FAM110C: variants seen among roughly 807,000 people sequenced by gnomAD.
FAM110C encodes protein FAM110C.
Under a neutral mutation model 15.7 loss-of-function variants are expected in FAM110C, and 19 were observed. The observed-to-expected ratio is 1.21, with a 90% CI of 0.85 to 1.78. The LOEUF is 1.78. Ranked by LOEUF, FAM110C falls within the 40% of genes most tolerant of loss-of-function variation. The probability of loss-of-function intolerance (pLI) is 0.00; values close to 1 mark genes in which losing one functional copy is unlikely to be tolerated. For synonymous variants in FAM110C, 275 were observed against 233.9 expected (o/e 1.18, Z -1.61); for missense variants, 547 against 495.7 (o/e 1.10, Z -0.98).
At chr2:44,953 C>G (rs909543747) in intron 1 of FAM110C, 11 of 985,262 alleles carry the variant, frequency 1.1e-5, no homozygotes, top group Non-Finnish European at 1.2e-5. Flanking sequence ...CCTTTCTGTT[C>G]CAGTAACACA....
chr2:45,683 C>A lies in FAM110C; in HGVS notation c.703G>T (p.Glu235Ter). 6.2e-7 allele frequency: 1 copy of A among 1,606,304 alleles called. No homozygotes were observed. The highest frequency in any genetic ancestry group is 8.5e-7 in the Non-Finnish European group (1 of 1,176,980). Residue 235 changes from glutamate (E) to a stop codon, truncating the protein, a stop_gained, in exon 1 of 2, where the codon GAG becomes TAG. Coordinates refer to ENST00000327669, the MANE Select transcript of FAM110C (RefSeq NM_001077710.3). LOFTEE classifies it high-confidence loss of function. ...CAGTCCGACCCCGCGGTGAAGTTCT[C>A]CCTCCCCAGGGCCTCCACCACCTCG... is the stretch of plus-strand genomic sequence containing the variant. ...DPEVVEALGR[E>*]NFTAGSDCVT...
chr2:43,507 A>C, intron 1 of FAM110C: 8 of 985,388 alleles, frequency 8.1e-6, no homozygotes, highest in Non-Finnish European at 7.2e-6. Flanking sequence ...AAGTTCTCAC[A>C]AGCTAACTAA....
rs116239797 is a variant in FAM110C, at chr2:44,045, G to A, written c.946+1395C>T. The A allele has an allele frequency of 1.6e-4, 158 of 985,306 alleles. No individual in the cohort carries two copies. In the African/African-American group the frequency reaches 2.3e-3, roughly 14 times the overall value. The allele number at this position is 985,306 out of a possible 1,614,324, so 61.0% of individuals were successfully genotyped here. ...TATCCACCAGACACTGTCCCTCCAC[G>A]GACCTGGCCACTCTCCAAAGCTCCT... is the stretch of plus-strand genomic sequence containing the variant. On this transcript the variant is annotated intron_variant, in intron 1 of 1. Transcript: ENST00000327669.
At chr2:45,275 C>T (rs780687558) in intron 1 of FAM110C, 165 bp downstream of exon 1, 346 of 985,448 alleles carry the variant, frequency 3.5e-4, no homozygotes, top group Non-Finnish European at 4.0e-4. Flanking sequence ...GGGGGCTCAA[C>T]TCACAAGCCT....
Position 45,510 on chromosome 2 carries a change from G to T in FAM110C, c.876C>A (p.Arg292=). The change falls in exon 1 of 2, where the codon CGC becomes CGA. Residue 292 remains arginine, a synonymous_variant. Transcript: ENST00000327669. ...STTSVIERNA[R]IIKWLYTCKK... Reference sequence around the variant, plus strand: ...TACAGGTGTACAGCCACTTGATGATGCGGGCGTTCCTCTCGATGACCGAAG... The same window carrying T: ...TACAGGTGTACAGCCACTTGATGATTCGGGCGTTCCTCTCGATGACCGAAG... The T allele has an allele frequency of 2.5e-6, 4 of 1,614,162 alleles. No homozygotes were observed. Among genetic ancestry groups the T allele is most frequent in the Non-Finnish European group, 3.4e-6 (4 of 1,180,020 alleles).
rs1288675108 is a variant in FAM110C at position 45,167 on chromosome 2, A to G, written c.946+273T>C. On this transcript the variant is annotated intron_variant, in intron 1 of 1. Transcript: ENST00000327669. Reference sequence around the variant, plus strand: ...AATAATAAGCCAAATGGGACATATTAATTTGCAGAATTGCCTTTCCAGGCA... The same window carrying G: ...AATAATAAGCCAAATGGGACATATTGATTTGCAGAATTGCCTTTCCAGGCA... The G allele has an allele frequency of 5.1e-6, 5 of 985,388 alleles. No homozygotes were observed. The East Asian group carries it at 5.7e-4, about 112-fold the overall frequency. 61.0% of individuals were successfully genotyped at this position (985,388 alleles called of 1,614,324 possible).
At chr2:45,151 C>G (rs1664238932) in intron 1 of FAM110C, 1 of 985,280 alleles carries the variant, frequency 1.0e-6, no homozygotes. Context: ...CAATAATAAG[C>G]CAAATGGGAC....
Position 40,424 on chromosome 2 carries a change from A to T in FAM110C, c.*1184T>A, listed in dbSNP as rs149969168. The stretch of plus-strand genomic sequence containing the variant: ...TTTCTTCTTGAAAAGATATATTTTG[A>T]TATTAAGCTTTCGAAGAATTGGCTG... On this transcript the variant is annotated 3_prime_UTR_variant, in exon 2 of 2. Coordinates refer to ENST00000327669, the MANE Select transcript of FAM110C (RefSeq NM_001077710.3). 1.8e-3 allele frequency: 280 copies of T among 152,280 alleles called. 2 individuals are homozygous for T. Among genetic ancestry groups the T allele is most frequent in the African/African-American group, 6.4e-3 (268 of 41,552 alleles). 9.4% of individuals were successfully genotyped at this position (152,280 alleles called of 1,614,324 possible).
At position 41,583 on chromosome 2, in the gene FAM110C, C is replaced by G; in HGVS notation, c.*25G>C. 1 of 1,613,628 alleles carries G rather than the reference C, an allele frequency of 6.2e-7. No homozygotes were observed. The highest frequency in any genetic ancestry group is 8.5e-7 in the Non-Finnish European group (1 of 1,179,806). On this transcript the variant is annotated 3_prime_UTR_variant, in exon 2 of 2. Coordinates refer to ENST00000327669, the MANE Select transcript of FAM110C (RefSeq NM_001077710.3). ...AATGGTCCTGGGATCCCAAATCACCCATGAAATCCTTCAAGAAGTCTTCAT... is the reference window on the plus strand; with the variant it reads ...AATGGTCCTGGGATCCCAAATCACCGATGAAATCCTTCAAGAAGTCTTCAT...
rs374782831 is a variant in FAM110C, at chr2:45,142, A to G, written c.946+298T>C. 6.1e-6 allele frequency: 6 copies of G among 985,340 alleles called. No homozygotes were observed. In the African/African-American group the frequency reaches 8.7e-5, roughly 14 times the overall value. The allele number at this position is 985,340 out of a possible 1,614,324, so 61.0% of individuals were successfully genotyped here. A position where few individuals can be genotyped will look rare whatever the true frequency, so the allele number is the denominator to read the frequency against. ...CATTTTGGATTTCTCCTGTTTTCACAATAATAAGCCAAATGGGACATATTA... is the reference window on the plus strand; with the variant it reads ...CATTTTGGATTTCTCCTGTTTTCACGATAATAAGCCAAATGGGACATATTA... On this transcript the variant is annotated intron_variant, in intron 1 of 1. Coordinates refer to ENST00000327669, the MANE Select transcript of FAM110C (RefSeq NM_001077710.3).
In FAM110C at chr2:45,435, C is replaced by T. The variant is rs1052967625; in HGVS notation, c.946+5G>A. 8 of 1,602,364 alleles carry T rather than the reference C, an allele frequency of 5.0e-6. No individual in the cohort carries two copies. The highest frequency in any genetic ancestry group is 6.8e-6 in the Non-Finnish European group (8 of 1,172,500). On this transcript the variant is annotated splice_donor_5th_base_variant and intron_variant, in intron 1 of 1. Transcript: ENST00000327669. ...AGCCCCGCCCCCAGCCTTCTGGGCA[C>T]ACACCTCGGGTCCGGCTCTGCTCCT...
rs908470501 is a variant in FAM110C, at chr2:40,325, A to C, written c.*1283T>G. On this transcript the variant is annotated 3_prime_UTR_variant, in exon 2 of 2. Transcript: ENST00000327669. ...TTAACCAAAACTTGAATAATTCAAA[A>C]TGAAATGGTTAACAAAATATCATAT... 2 of 152,246 alleles carry C rather than the reference A, an allele frequency of 1.3e-5. No homozygotes were observed. The highest frequency in any genetic ancestry group is 2.4e-5 in the African/African-American group (1 of 41,464). The allele number at this position is 152,246 out of a possible 1,614,324, so 9.4% of individuals were successfully genotyped here.
Position 46,457 on chromosome 2 carries a change from C to A in FAM110C, c.-72G>T. ...CGCTCGAGTGGTAGAGCCAGTCAGT[C>A]CCAGGGCCGGTTCCGAAGTCCGCGC... On this transcript the variant is annotated 5_prime_UTR_variant, in exon 1 of 2. Transcript: ENST00000327669. 1.7e-6 allele frequency: 2 copies of A among 1,169,960 alleles called. No homozygotes were observed. The highest frequency in any genetic ancestry group is 3.5e-5 in the South Asian group (1 of 28,546). 72.5% of individuals were successfully genotyped at this position (1,169,960 alleles called of 1,614,324 possible). A position where few individuals can be genotyped will look rare whatever the true frequency, so the allele number is the denominator to read the frequency against.
At chr2:44,595 C>A (rs1664226192) in intron 1 of FAM110C, 1 of 985,310 alleles carries the variant, frequency 1.0e-6, no homozygotes. Context: ...GGTTCTTTCT[C>A]TTCACTACTT....
At chr2:44,768 G>C in intron 1 of FAM110C, 1 of 985,438 alleles carries the variant, frequency 1.0e-6, no homozygotes, top group Non-Finnish European at 1.2e-6. Flanking sequence ...ATAGACTCTA[G>C]TTACAATCTA....
Position 46,037 on chromosome 2 carries a change from C to T in FAM110C, c.349G>A (p.Gly117Ser), listed in dbSNP as rs377079549. The T allele has an allele frequency of 6.0e-6, 9 of 1,512,388 alleles. No homozygotes were observed. In the African/African-American group the frequency reaches 1.0e-4, roughly 17 times the overall value. The allele number at this position is 1,512,388 out of a possible 1,614,324, so 93.7% of individuals were successfully genotyped here. The change falls in exon 1 of 2, where the codon GGC (glycine) becomes AGC (serine). Residue 117 changes from glycine (G) to serine (S), a missense_variant. By Grantham distance (56) the Gly-to-Ser change is moderately conservative. Transcript: ENST00000327669. ...TTCTTCACCAGGCTTGCCCTGGGGC[C>T]GTCGGCGCCCGATCCTCGCACGAAT... Reference protein sequence around the residue: ...CEFVRGSGADGPRASLVKKLF... With the variant: ...CEFVRGSGADSPRASLVKKLF...
rs1245903229 is a variant in FAM110C, at chr2:41,439, G to T, written c.*169C>A. On this transcript the variant is annotated 3_prime_UTR_variant, in exon 2 of 2. Coordinates refer to ENST00000327669, the MANE Select transcript of FAM110C (RefSeq NM_001077710.3). ...CTGTTACAACTCAGCTAAATTTCAA[G>T]GTCTGTGTTCCCATATTCTCTGTAG... 7.9e-6 allele frequency: 5 copies of T among 628,968 alleles called. No individual in the cohort carries two copies. The highest frequency in any genetic ancestry group is 5.6e-5 in the African/African-American group (3 of 53,198). The allele number at this position is 628,968 out of a possible 1,614,324, so 39.0% of individuals were successfully genotyped here. A position where few individuals can be genotyped will look rare whatever the true frequency, so the allele number is the denominator to read the frequency against.
intron 1 of FAM110C, 78 bp from the exon 2 acceptor site, chr2:41,705 T>C (rs1664130300): frequency 6.5e-7 from 1 of 1,534,074 alleles, no homozygotes; most frequent in Admixed American, 2.1e-5. Flanking sequence ...AACATTATAC[T>C]GGTCTGGTCC....
At position 46,214 on chromosome 2, in the gene FAM110C, C is replaced by CGCCCCGGCCAG. The variant is rs1664300802; in HGVS notation, c.161_171dup (p.Val58LeufsTer42). On this transcript the variant is annotated frameshift_variant, in exon 1 of 2. Coordinates refer to ENST00000327669, the MANE Select transcript of FAM110C (RefSeq NM_001077710.3). LOFTEE classifies it high-confidence loss of function. ...CCCGGGCCGCTGCCCTCGGAAGCGA[C>CGCCCCGGCCAG]GCCCCGGCCAGTCCCCGGCCGACCC... 5.1e-6 allele frequency: 7 copies of CGCCCCGGCCAG among 1,377,996 alleles called. No homozygotes were observed. The highest frequency in any genetic ancestry group is 3.5e-5 in the Admixed American group (1 of 28,558). The allele number at this position is 1,377,996 out of a possible 1,614,324, so 85.4% of individuals were successfully genotyped here.
Sources: gnomAD v4.1 joint callset for allele counts on GRCh38, gnomAD v4.1.1 for gene constraint, MANE v1.5 for transcripts, NCBI Gene and HGNC (gene_info 2026-07-23, HGNC 2026-07-21) for gene names.